Variants in RORA observed in about 807,000 individuals in gnomAD.
RORA encodes nuclear receptor ROR-alpha.
A neutral mutation model predicts 69.5 loss-of-function variants in RORA; 7 were observed. The ratio of observed to expected loss-of-function variants is 0.10; its 90% CI spans 0.06 to 0.19. The LOEUF is 0.19. RORA is among the 10% of genes least tolerant of loss of function. The pLI is 1.00. For missense variants in RORA, 457 were observed against 663.0 expected (o/e 0.69, Z 3.41); for synonymous variants, 261 against 240.8 (o/e 1.08, Z -0.78).
At position 60,891,427 on chromosome 15, in the gene RORA, C is replaced by G. The variant is rs548644270; in HGVS notation, c.167-212741G>C. Reference sequence around the variant, plus strand: ...GAATATGCAGGAACAGAGAAGCATCCAGGGAGACCCTCAGGTCAAGGCTCA... The same window carrying G: ...GAATATGCAGGAACAGAGAAGCATCGAGGGAGACCCTCAGGTCAAGGCTCA... On this transcript the variant is annotated intron_variant, in intron 1 of 10. Transcript: ENST00000335670. Among the ~76,000 whole-genome samples, 10 of 152,300 alleles carry G rather than the reference C, an allele frequency of 6.6e-5. No homozygotes were observed. In the South Asian group the frequency reaches 2.1e-3, roughly 32 times the overall value.
intron 2 of RORA, among the ~76,000 whole-genome samples, chr15:60,542,599 C>T (rs1366453363): frequency 8.1e-5 from 12 of 149,050 alleles, no homozygotes; most frequent in Non-Finnish European, 1.5e-4. Flanking sequence ...ACACACGGCA[C>T]GCATGCACAC....
Position 61,099,753 on chromosome 15 carries a change from C to A in RORA, c.166+129300G>T, listed in dbSNP as rs150479228. 3.9e-3 allele frequency among the ~76,000 whole-genome samples: 593 copies of A among 152,226 alleles called. 2 individuals are homozygous for A. The highest frequency in any genetic ancestry group is 6.1e-3 in the Non-Finnish European group (416 of 68,012). On this transcript the variant is annotated intron_variant, in intron 1 of 10. Coordinates refer to ENST00000335670, the MANE Select transcript of RORA (RefSeq NM_134261.3). ...CCTTGAGGAAACGCTCTTTTTAAAC[C>A]TGTGTTTTGAGAAATGAAGTTAATG... is the stretch of plus-strand genomic sequence containing the variant.
In RORA at chr15:61,094,523, AAG is replaced by A. The variant is rs780303543; in HGVS notation, c.166+134528_166+134529del. The stretch of plus-strand genomic sequence containing the variant: ...AATGAATATAGAACACACCATGGGA[AAG>A]AGTTTCATCAGCATTGGTCCCACTT... On this transcript the variant is annotated intron_variant, in intron 1 of 10. Transcript: ENST00000335670. 1.8e-4 allele frequency among the ~76,000 whole-genome samples: 28 copies of A among 152,330 alleles called. No individual in the cohort carries two copies. The East Asian group carries it at 3.3e-3, about 18-fold the overall frequency.
chr15:60,723,066 A>G (rs1425650852), intron 1 of RORA, among the ~76,000 whole-genome samples: 3 of 152,194 alleles, frequency 2.0e-5, no homozygotes, highest in East Asian at 3.8e-4. Flanking sequence ...GAGATTTTCA[A>G]GGGTGTGCAG....
chr15:60,640,370 G>A (rs569402321), intron 2 of RORA, among the ~76,000 whole-genome samples: 59 of 152,220 alleles, frequency 3.9e-4, no homozygotes, highest in African/African-American at 9.9e-4. Flanking sequence ...CGTGTAGGCC[G>A]TTGCGATGCC....
chr15:60,569,889 A>G (rs1392472325), intron 2 of RORA, among the ~76,000 whole-genome samples: 1 of 152,240 alleles, frequency 6.6e-6, no homozygotes, highest in Admixed American at 6.5e-5. Flanking sequence ...GCAGATATTA[A>G]CTGCAGCTAA....
At chr15:60,770,444 T>G (rs1567184557) in intron 1 of RORA, among the ~76,000 whole-genome samples, 1 of 152,308 alleles carries the variant, frequency 6.6e-6, no homozygotes, top group East Asian at 1.9e-4. Context: ...CAGGGACAAC[T>G]GCCTCATTTG....
intron 2 of RORA, among the ~76,000 whole-genome samples, chr15:60,562,021 G>A (rs898574341): frequency 4.0e-5 from 6 of 151,884 alleles, no homozygotes; most frequent in Admixed American, 1.3e-4. Context: ...TCGGATCACC[G>A]CAACCTCTGC....
rs542336312 is a variant in RORA at position 61,131,631 on chromosome 15, T to C, written c.166+97422A>G. ...ATGTGCTACACTACTGACTATCCGTTAGACAGTGCTTTAAGCACTTTTAAT... is the reference window on the plus strand; with the variant it reads ...ATGTGCTACACTACTGACTATCCGTCAGACAGTGCTTTAAGCACTTTTAAT... On this transcript the variant is annotated intron_variant, in intron 1 of 10. Transcript: ENST00000335670. This position sits in a 1 kb window ranked among gnomAD's most constrained non-coding sequence, Gnocchi z 4.2. 2.6e-5 allele frequency among the ~76,000 whole-genome samples: 4 copies of C among 152,228 alleles called. No individual in the cohort carries two copies. The highest frequency in any genetic ancestry group is 5.9e-5 in the Non-Finnish European group (4 of 68,032).
At chr15:60,882,399 A>G (rs2073691958) in intron 1 of RORA, among the ~76,000 whole-genome samples, 1 of 152,148 alleles carries the variant, frequency 6.6e-6, no homozygotes, top group African/African-American at 2.4e-5. Context: ...ATGATAAAGA[A>G]TGTTCTGGAC....
intron 1 of RORA, among the ~76,000 whole-genome samples, chr15:61,115,893 C>T (rs567104243): frequency 6.6e-5 from 10 of 152,226 alleles, no homozygotes; most frequent in Admixed American, 1.3e-4. Flanking sequence ...AGCTGTGTTT[C>T]GCACTGGCAG....
chr15:60,658,613 G>C (rs1416096142), intron 2 of RORA, among the ~76,000 whole-genome samples: 2 of 104,988 alleles, frequency 1.9e-5, no homozygotes, highest in African/African-American at 8.4e-5. Flanking sequence ...GAAATCAGAG[G>C]GTTGCTATTT....
chr15:61,040,113 G>GATATATATAT (rs60830259), intron 1 of RORA, among the ~76,000 whole-genome samples: 34 of 46,302 alleles, frequency 7.3e-4, no homozygotes, highest in East Asian at 1.2e-3. Context: ...CACAAGCTTT[G>GATATATATAT]ATATATATAT....
At chr15:61,184,805 G>A (rs1409208783) in intron 1 of RORA, among the ~76,000 whole-genome samples, 1 of 151,816 alleles carries the variant, frequency 6.6e-6, no homozygotes, top group Admixed American at 6.6e-5. Flanking sequence ...GGGCAACATA[G>A]TGAGACCCCT....
At chr15:60,554,650 G>T (rs757326444) in intron 2 of RORA, among the ~76,000 whole-genome samples, 1 of 152,156 alleles carries the variant, frequency 6.6e-6, no homozygotes, top group Non-Finnish European at 1.5e-5. Context: ...CATTATCCTA[G>T]AACTCTAGCT....
At chr15:61,192,136 T>A (rs2079806147) in intron 1 of RORA, among the ~76,000 whole-genome samples, 1 of 152,264 alleles carries the variant, frequency 6.6e-6, no homozygotes, top group South Asian at 2.1e-4. Flanking sequence ...AGTGCCAACC[T>A]GCAGTTTCAG....
At chr15:61,218,435 G>A (rs1013554703) in intron 1 of RORA, among the ~76,000 whole-genome samples, 6 of 152,022 alleles carry the variant, frequency 3.9e-5, no homozygotes, top group Non-Finnish European at 7.4e-5. Context: ...AACATACTAA[G>A]TTCAGAATCA....
At chr15:61,160,548 A>G (rs1244485057) in intron 1 of RORA, among the ~76,000 whole-genome samples, 2 of 152,206 alleles carry the variant, frequency 1.3e-5, no homozygotes, top group Non-Finnish European at 2.9e-5. Flanking sequence ...GCATGAAACA[A>G]CGGCGAAGAA....
rs375270045 is a variant in RORA at position 61,147,766 on chromosome 15, C to CGCGTGTGT, written c.166+81286_166+81287insACACACGC. ...TGGTCAGTAGGCACGTGCGCACACG[C>CGCGTGTGT]GTGTGTGTGTGTGTGTGTGTGTGTG... On this transcript the variant is annotated intron_variant, in intron 1 of 10. Coordinates refer to ENST00000335670, the MANE Select transcript of RORA (RefSeq NM_134261.3). The surrounding 1 kb of genome is among the most constrained non-coding windows in gnomAD (Gnocchi z 4.1). Among the ~76,000 whole-genome samples the CGCGTGTGT allele has an allele frequency of 6.8e-6, 1 of 147,702 alleles. No homozygotes were observed. The highest frequency in any genetic ancestry group is 2.2e-4 in the South Asian group (1 of 4,554).
Sources: gnomAD v4.1 joint callset for allele counts (sites outside exome capture counted in the v4.1 genomes callset) on GRCh38, gnomAD v4.1.1 for gene constraint, Gnocchi (gnomAD v3.1) non-coding constraint, MANE v1.5 for transcripts, NCBI Gene and HGNC (gene_info 2026-07-23, HGNC 2026-07-21) for gene names.